The following RIN3 variants were observed in gnomAD, a reference collection of about 807,000 sequenced individuals.
RIN3 encodes RAB5 interacting protein 3.
Under a neutral mutation model 76.3 loss-of-function variants are expected in RIN3, and 54 were observed. That is an observed-to-expected ratio of 0.71 (90% CI 0.57 to 0.89). The LOEUF is 0.89. RIN3 is among the 40% of genes least tolerant of loss of function. RIN3 has a pLI of 0.00. For missense variants in RIN3, 1,256 were observed against 1,322.1 expected, an observed-to-expected ratio of 0.95 and a Z score of 0.78; for synonymous variants, 576 against 564.0, an observed-to-expected ratio of 1.02 and a Z score of -0.30.
intron 1 of RIN3, among the ~76,000 whole-genome samples, chr14:92,517,002 T>C (rs139612038): frequency 6.6e-6 from 1 of 152,010 alleles, no homozygotes; most frequent in African/African-American, 2.4e-5. Context: ...GAGACAGGAG[T>C]CTGAGGTGGT....
intron 3 of RIN3, among the ~76,000 whole-genome samples, chr14:92,598,364 C>A (rs963108954): frequency 1.3e-5 from 2 of 152,226 alleles, no homozygotes; most frequent in Non-Finnish European, 2.9e-5. Context: ...CAGCTGAATA[C>A]CACTAAGTGC....
At chr14:92,607,814 A>G (rs1885580229) in intron 3 of RIN3, among the ~76,000 whole-genome samples, 1 of 152,270 alleles carries the variant, frequency 6.6e-6, no homozygotes, top group Admixed American at 6.5e-5. Context: ...CCCATGGTAC[A>G]TCCTTACTAC....
At chr14:92,606,551 T>A (rs370437467) in intron 3 of RIN3, among the ~76,000 whole-genome samples, 15 of 125,020 alleles carry the variant, frequency 1.2e-4, no homozygotes, top group Non-Finnish European at 2.3e-4. Context: ...TCTCAAAAAA[T>A]AAATAAATAA....
At position 92,547,092 on chromosome 14, in the gene RIN3, ATTATAATT is replaced by A. The variant is rs1566836607; in HGVS notation, c.45-8658_45-8651del. 9.1e-5 allele frequency among the ~76,000 whole-genome samples: 8 copies of A among 87,774 alleles called. 2 individuals are homozygous for A. Among genetic ancestry groups the A allele is most frequent in the Non-Finnish European group, 1.3e-4 (5 of 39,762 alleles). 57.6% of individuals were successfully genotyped at this position (87,774 alleles called of 152,430 possible). Reference sequence around the variant, plus strand: ...TTTATTTTATATTATATTATATTATATTATAATTAAATAAATTATCTTTATTTTATTAT... The same window carrying A: ...TTTATTTTATATTATATTATATTATAAAATAAATTATCTTTATTTTATTAT... On this transcript the variant is annotated intron_variant, in intron 1 of 9. Transcript: ENST00000216487.
At chr14:92,521,896 T>C (rs58497471) in intron 1 of RIN3, among the ~76,000 whole-genome samples, 10,110 of 152,200 alleles carry the variant, frequency 0.066, 1,132 homozygotes, top group African/African-American at 0.23. Context: ...AGAGCTGGCA[T>C]GTGAATTGGA....
intron 3 of RIN3, among the ~76,000 whole-genome samples, chr14:92,584,273 C>T (rs1441045307): frequency 1.3e-5 from 2 of 152,180 alleles, no homozygotes; most frequent in Non-Finnish European, 2.9e-5. Context: ...GCAATGCAGG[C>T]TGAAGGAGCA....
At chr14:92,566,781 A>G (rs1399460225) in intron 2 of RIN3, among the ~76,000 whole-genome samples, 1 of 152,196 alleles carries the variant, frequency 6.6e-6, no homozygotes, top group African/African-American at 2.4e-5. Context: ...CTTACATGAA[A>G]GGGTTCAAGG....
intron 5 of RIN3, among the ~76,000 whole-genome samples, chr14:92,647,758 G>A (rs1435810397): frequency 6.6e-6 from 1 of 152,188 alleles, no homozygotes; most frequent in African/African-American, 2.4e-5. Flanking sequence ...CCCAGGGGTA[G>A]AGTCTGAGTT....
chr14:92,516,960 A>G (rs1247574606), intron 1 of RIN3, among the ~76,000 whole-genome samples: 1 of 152,240 alleles, frequency 6.6e-6, no homozygotes, highest in East Asian at 1.9e-4. Flanking sequence ...ACCCTTCACC[A>G]TCCCCTTAGG....
At chr14:92,629,108 G>A (rs895569270) in intron 4 of RIN3, among the ~76,000 whole-genome samples, 17 of 142,376 alleles carry the variant, frequency 1.2e-4, no homozygotes, top group African/African-American at 3.2e-4. Context: ...GTCCTGAGTC[G>A]GAAAGGAAAA....
chr14:92,642,348 T>C (rs1019214489), intron 5 of RIN3, among the ~76,000 whole-genome samples: 1 of 152,038 alleles, frequency 6.6e-6, no homozygotes, highest in African/African-American at 2.4e-5. Context: ...CCTCCCACCT[T>C]GGCTTCCCAA....
chr14:92,561,126 T>C (rs1290694752), intron 2 of RIN3, among the ~76,000 whole-genome samples: 2 of 103,380 alleles, frequency 1.9e-5, no homozygotes, highest in African/African-American at 7.0e-5. Flanking sequence ...TATTTATATA[T>C]ATTTATATTT....
chr14:92,582,245 C>T (rs1349387950), intron 3 of RIN3, among the ~76,000 whole-genome samples: 4 of 152,148 alleles, frequency 2.6e-5, no homozygotes, highest in African/African-American at 9.7e-5. Flanking sequence ...TTCTTCCTCC[C>T]AGGGCCGTGT....
intron 1 of RIN3, among the ~76,000 whole-genome samples, chr14:92,536,229 C>T (rs1283779107): frequency 6.6e-6 from 1 of 152,174 alleles, no homozygotes; most frequent in Non-Finnish European, 1.5e-5. Flanking sequence ...TGCCTTTTCA[C>T]ACAACACCTT....
intron 2 of RIN3, among the ~76,000 whole-genome samples, chr14:92,560,498 G>A (rs1897732613): frequency 6.6e-6 from 1 of 152,172 alleles, no homozygotes; most frequent in African/African-American, 2.4e-5. Context: ...GTTGCTATAT[G>A]CATGATCTTA....
At chr14:92,535,175 G>T (rs571148178) in intron 1 of RIN3, among the ~76,000 whole-genome samples, 1 of 152,232 alleles carries the variant, frequency 6.6e-6, no homozygotes, top group Admixed American at 6.5e-5. Context: ...AGTAAGAAGC[G>T]CCAGGTCAAG....
intron 4 of RIN3, among the ~76,000 whole-genome samples, chr14:92,632,017 G>A (rs1272803846): frequency 3.9e-5 from 6 of 152,082 alleles, no homozygotes; most frequent in African/African-American, 7.2e-5. Context: ...ACTTGCCCTC[G>A]AGGAGAAAGC....
At chr14:92,646,460 G>C (rs971145277) in intron 5 of RIN3, among the ~76,000 whole-genome samples, 1 of 152,224 alleles carries the variant, frequency 6.6e-6, no homozygotes, top group African/African-American at 2.4e-5. Context: ...TTGAGATGGA[G>C]TCTCACTCTT....
intron 2 of RIN3, among the ~76,000 whole-genome samples, chr14:92,558,116 C>T (rs925566857): frequency 1.3e-5 from 2 of 152,146 alleles, no homozygotes; most frequent in African/African-American, 2.4e-5. Flanking sequence ...TGGGAGGCCA[C>T]GGCAGGGGGA....
Sources: allele counts gnomAD v4.1 joint callset (sites outside exome capture counted in the v4.1 genomes callset), GRCh38; gene constraint gnomAD v4.1.1; transcripts MANE v1.5; gene names NCBI Gene and HGNC (gene_info 2026-07-23, HGNC 2026-07-21).